The following HECW1 variants were observed in gnomAD, a reference collection of about 807,000 sequenced individuals.
HECW1 encodes E3 ubiquitin-protein ligase HECW1.
In HECW1, 61 loss-of-function variants were observed where a neutral mutation model predicts 182.3. That is an observed-to-expected ratio of 0.33 (90% CI 0.27 to 0.41). HECW1 has a LOEUF of 0.41. HECW1 is among the 10% of genes least tolerant of loss of function. The pLI, the probability that HECW1 is intolerant of heterozygous loss-of-function variation, is 1.00. For missense variants in HECW1, 1,739 were observed against 2,108.9 expected (o/e 0.82, Z 3.44); for synonymous variants, 859 against 832.6 (o/e 1.03, Z -0.55).
rs2081353259 is a variant in HECW1 at position 43,541,207 on chromosome 7, A to G, written c.4064A>G (p.Gln1355Arg). Residue 1355 changes from glutamine to arginine, a missense_variant, in exon 25 of 30, where the codon CAG becomes CGG. By Grantham distance (43) the Gln-to-Arg change is conservative. This residue lies in a region of HECW1 where 420 missense variants were observed against 595.7 expected (regional missense o/e 0.71). Coordinates refer to ENST00000395891, the MANE Select transcript of HECW1 (RefSeq NM_015052.5). Reference sequence around the variant, plus strand: ...ATCCTGGGTCTGGCTCTGATCCATCAGTACCTTCTTGACGCTTTCTTCACG... The same window carrying G: ...ATCCTGGGTCTGGCTCTGATCCATCGGTACCTTCTTGACGCTTTCTTCACG... ...GRILGLALIH[Q>R]YLLDAFFTRP... The G allele has an allele frequency of 6.2e-7, 1 of 1,614,182 alleles. No homozygotes were observed. The highest frequency in any genetic ancestry group is 8.5e-7 in the Non-Finnish European group (1 of 1,180,014).
At chr7:43,138,101 A>G (rs1787765910) in intron 2 of HECW1, among the ~76,000 whole-genome samples, 1 of 152,234 alleles carries the variant, frequency 6.6e-6, no homozygotes, top group Non-Finnish European at 1.5e-5. Context: ...TAAAAGTCAG[A>G]ATAATAACCC....
chr7:43,162,790 T>A (rs1790686167), intron 2 of HECW1: 1 of 152,200 alleles, frequency 6.6e-6, no homozygotes, highest in Non-Finnish European at 1.5e-5. Flanking sequence ...ATAATAACAT[T>A]GTAATAATAG....
chr7:43,244,336 C>T (rs1156871416), intron 3 of HECW1, among the ~76,000 whole-genome samples: 1 of 152,176 alleles, frequency 6.6e-6, no homozygotes, highest in Non-Finnish European at 1.5e-5. Flanking sequence ...GCTTCTCCTC[C>T]TGACTCAGAG....
At chr7:43,113,946 C>T (rs1784845330) in intron 1 of HECW1, 2 of 273,464 alleles carry the variant, frequency 7.3e-6, no homozygotes, top group East Asian at 1.1e-4. Context: ...GGGGAGCTGG[C>T]AGGGACACAG....
In HECW1 at chr7:43,243,580, T is replaced by C. The variant is rs1165958273; in HGVS notation, c.-31-295T>C. Among the ~76,000 whole-genome samples the C allele has an allele frequency of 6.8e-6, 1 of 147,808 alleles. No individual in the cohort carries two copies. Among genetic ancestry groups the C allele is most frequent in the East Asian group, 1.9e-4 (1 of 5,162 alleles). On this transcript the variant is annotated intron_variant, in intron 2 of 29. Transcript: ENST00000395891. This position sits in a 1 kb window ranked among gnomAD's most constrained non-coding sequence, Gnocchi z 4.0. Reference sequence around the variant, plus strand: ...TTTCCCCACAAACACCCACACCAGATCCTTGTTTCTTGAAAAAGAAAAAAA... The same window carrying C: ...TTTCCCCACAAACACCCACACCAGACCCTTGTTTCTTGAAAAAGAAAAAAA...
intron 17 of HECW1, among the ~76,000 whole-genome samples, chr7:43,489,196 A>G (rs2078836588): frequency 1.3e-5 from 2 of 152,114 alleles, no homozygotes; most frequent in Non-Finnish European, 2.9e-5. Context: ...CTGTTTCCCC[A>G]GTTTCCCTCT....
chr7:43,195,364 C>T (rs576813060), intron 2 of HECW1, among the ~76,000 whole-genome samples: 2 of 152,302 alleles, frequency 1.3e-5, no homozygotes, highest in East Asian at 3.9e-4. Flanking sequence ...CTCTCAACTC[C>T]CATCCACACA....
intron 6 of HECW1, among the ~76,000 whole-genome samples, chr7:43,371,339 A>C (rs1817335454): frequency 1.3e-5 from 2 of 152,218 alleles, no homozygotes; most frequent in Admixed American, 6.5e-5. Context: ...ATCAAGTGTG[A>C]CAAATATGCC....
At chr7:43,493,283 G>A (rs2079000301) in intron 19 of HECW1, 103 bp downstream of exon 19, 1 of 682,026 alleles carries the variant, frequency 1.5e-6, no homozygotes, top group Non-Finnish European at 2.5e-6. Context: ...ATTATACATT[G>A]TATTTGTGCA....
At chr7:43,219,087 G>A (rs913675357) in intron 2 of HECW1, among the ~76,000 whole-genome samples, 2 of 152,244 alleles carry the variant, frequency 1.3e-5, no homozygotes, top group East Asian at 1.9e-4. Flanking sequence ...AAAAAAACTA[G>A]CCTTCCCACT....
intron 3 of HECW1, among the ~76,000 whole-genome samples, chr7:43,287,100 T>A (rs933362152): frequency 6.6e-6 from 1 of 152,180 alleles, no homozygotes; most frequent in Admixed American, 6.5e-5. Context: ...GGAATGTACC[T>A]TGTTGTGAGA....
At chr7:43,242,528 T>A (rs1471118580) in intron 2 of HECW1, among the ~76,000 whole-genome samples, 1 of 152,108 alleles carries the variant, frequency 6.6e-6, no homozygotes, top group African/African-American at 2.4e-5. Flanking sequence ...GGAATAAAGA[T>A]CCTGAGTTTT....
At chr7:43,410,544 A>C (rs2075767720) in intron 8 of HECW1, among the ~76,000 whole-genome samples, 1 of 152,200 alleles carries the variant, frequency 6.6e-6, no homozygotes, top group Non-Finnish European at 1.5e-5. Context: ...AACAGGTTTC[A>C]GTCCACAACA....
chr7:43,558,473 G>A (rs1186485029), intron 29 of HECW1, among the ~76,000 whole-genome samples: 1 of 152,178 alleles, frequency 6.6e-6, no homozygotes, highest in East Asian at 1.9e-4. Context: ...TTCTCAAAGT[G>A]GGGCTGGGGA....
chr7:43,392,447 G>A (rs574768926), intron 6 of HECW1, among the ~76,000 whole-genome samples: 2 of 152,184 alleles, frequency 1.3e-5, no homozygotes, highest in Admixed American at 6.5e-5. Flanking sequence ...AAAGTTCTTC[G>A]AAATCTCCTG....
chr7:43,528,670 C>T (rs2080859549), intron 24 of HECW1, among the ~76,000 whole-genome samples: 1 of 152,196 alleles, frequency 6.6e-6, no homozygotes, highest in Non-Finnish European at 1.5e-5. Context: ...TGGCCCACCA[C>T]GTTGAGGGGA....
intron 2 of HECW1, among the ~76,000 whole-genome samples, chr7:43,231,830 C>T (rs1366353287): frequency 1.3e-5 from 2 of 151,518 alleles, no homozygotes; most frequent in African/African-American, 2.4e-5. Flanking sequence ...TCCTGGCTAA[C>T]ACAGTGAAAC....
chr7:43,311,703 T>A, intron 3 of HECW1, 60 bp from the exon 4 acceptor site: 1 of 1,497,790 alleles, frequency 6.7e-7, no homozygotes, highest in Non-Finnish European at 9.3e-7. Flanking sequence ...TTTCGTGTGA[T>A]GACGGTGACT....
At chr7:43,132,560 C>T (rs765249800) in intron 2 of HECW1, among the ~76,000 whole-genome samples, 4 of 152,028 alleles carry the variant, frequency 2.6e-5, no homozygotes, top group Non-Finnish European at 4.4e-5. Flanking sequence ...CTCTCCCTTC[C>T]TCCACCCCTC....
Sources: allele counts gnomAD v4.1 joint callset (sites outside exome capture counted in the v4.1 genomes callset), GRCh38; gene constraint gnomAD v4.1.1; regional missense constraint gnomAD v4.1.1; non-coding constraint Gnocchi (gnomAD v3.1); transcripts MANE v1.5; gene names NCBI Gene and HGNC (gene_info 2026-07-23, HGNC 2026-07-21).